FAM174A: variants seen among roughly 807,000 people sequenced by gnomAD.
FAM174A encodes the protein membrane protein FAM174A.
A neutral mutation model predicts 14.3 loss-of-function variants in FAM174A; 14 were observed. That is an observed-to-expected ratio of 0.98 (90% CI 0.65 to 1.53). The LOEUF (loss-of-function observed/expected upper bound fraction) is 1.53, where lower values mean the gene tolerates loss of function less well. Among genes scored for constraint, FAM174A ranks in the 40% most tolerant of loss-of-function variants. FAM174A has a pLI of 0.00. For synonymous variants in FAM174A, 108 were observed against 111.4 expected (o/e 0.97, Z 0.19); for missense variants, 241 against 249.6 (o/e 0.97, Z 0.23).
chr5:100,549,235 T>C (rs1052289766), intron 1 of FAM174A, among the ~76,000 whole-genome samples: 2 of 152,066 alleles, frequency 1.3e-5, no homozygotes, highest in African/African-American at 4.8e-5. Context: ...TAGATAGAAC[T>C]TTAAGGTTGA....
intron 1 of FAM174A, among the ~76,000 whole-genome samples, chr5:100,548,174 A>G (rs1746197903): frequency 6.6e-6 from 1 of 152,062 alleles, no homozygotes; most frequent in Non-Finnish European, 1.5e-5. Context: ...GGAAAATTAT[A>G]TTTTCATGAT....
chr5:100,563,934 T>C (rs946797810), intron 2 of FAM174A, among the ~76,000 whole-genome samples: 1 of 151,896 alleles, frequency 6.6e-6, no homozygotes, highest in Admixed American at 6.6e-5. Context: ...CATGCTGAAA[T>C]TGAAGCCTGG....
At chr5:100,564,527 T>C (rs1246942978) in intron 2 of FAM174A, among the ~76,000 whole-genome samples, 1 of 151,642 alleles carries the variant, frequency 6.6e-6, no homozygotes, top group East Asian at 1.9e-4. Flanking sequence ...ACGAGGGAAA[T>C]AATTAAGATT....
chr5:100,581,526 G>A (rs538358132), intron 2 of FAM174A: 22 of 252,958 alleles, frequency 8.7e-5, no homozygotes, highest in Middle Eastern at 4.3e-3. Flanking sequence ...GCCAAGGTGG[G>A]CGGATCACTT....
chr5:100,546,892 T>C (rs1458540020), intron 1 of FAM174A, among the ~76,000 whole-genome samples: 1 of 152,182 alleles, frequency 6.6e-6, no homozygotes, highest in Non-Finnish European at 1.5e-5. Context: ...TGGCTTCTCT[T>C]GAGTTTTTGT....
chr5:100,562,754 G>C (rs1286643015), intron 2 of FAM174A, among the ~76,000 whole-genome samples: 1 of 151,662 alleles, frequency 6.6e-6, no homozygotes, highest in Non-Finnish European at 1.5e-5. Flanking sequence ...AATTGTTTAT[G>C]GTCTGATCAT....
At chr5:100,565,532 CTGTT>C (rs1357194104) in intron 2 of FAM174A, among the ~76,000 whole-genome samples, 2 of 151,816 alleles carry the variant, frequency 1.3e-5, no homozygotes, top group Non-Finnish European at 2.9e-5. Flanking sequence ...CCCCTGTACT[CTGTT>C]GGTGGGAATG....
chr5:100,576,077 C>A (rs982842937), intron 2 of FAM174A, among the ~76,000 whole-genome samples: 2 of 152,136 alleles, frequency 1.3e-5, no homozygotes, highest in African/African-American at 4.8e-5. Flanking sequence ...TTTTTGTAGT[C>A]AGCTCTTTCT....
intron 1 of FAM174A, among the ~76,000 whole-genome samples, chr5:100,539,011 G>A: frequency 6.6e-6 from 1 of 151,964 alleles, no homozygotes. Context: ...CATGTCGTTG[G>A]TTTTTCGTTT....
intron 2 of FAM174A, among the ~76,000 whole-genome samples, chr5:100,572,326 G>A (rs1420300273): frequency 7.1e-6 from 1 of 141,764 alleles, no homozygotes; most frequent in Non-Finnish European, 1.5e-5. Flanking sequence ...ATGTATACAT[G>A]TGCCATGCTG....
At chr5:100,581,213 A>T in intron 2 of FAM174A, 1 of 188,154 alleles carries the variant, frequency 5.3e-6, no homozygotes, top group Non-Finnish European at 9.9e-6. Flanking sequence ...TACAGGCGTG[A>T]GCCACTGCAC....
chr5:100,575,472 A>G (rs996583320), intron 2 of FAM174A, among the ~76,000 whole-genome samples: 12 of 152,074 alleles, frequency 7.9e-5, no homozygotes, highest in African/African-American at 2.2e-4. Flanking sequence ...TCATTGTTCA[A>G]TTCCCACCTA....
intron 1 of FAM174A, among the ~76,000 whole-genome samples, chr5:100,536,513 GAAGAA>G (rs1745944294): frequency 6.6e-6 from 1 of 152,106 alleles, no homozygotes; most frequent in African/African-American, 2.4e-5. Flanking sequence ...AAATTCAGGA[GAAGAA>G]AAGTTCTTCC....
chr5:100,551,840 C>T (rs2112373977), intron 1 of FAM174A, among the ~76,000 whole-genome samples: 1 of 152,224 alleles, frequency 6.6e-6, no homozygotes, highest in East Asian at 1.9e-4. Context: ...GCGTGTCTGT[C>T]TCCAAAATTT....
intron 2 of FAM174A, among the ~76,000 whole-genome samples, chr5:100,567,120 G>T (rs762040750): frequency 6.6e-5 from 10 of 151,766 alleles, no homozygotes; most frequent in Non-Finnish European, 1.3e-4. Flanking sequence ...ACAAGAATTG[G>T]TTATAATAAT....
chr5:100,572,866 C>T (rs972323824), intron 2 of FAM174A, among the ~76,000 whole-genome samples: 6 of 152,158 alleles, frequency 3.9e-5, no homozygotes, highest in Non-Finnish European at 5.9e-5. Flanking sequence ...ACAGTCCCAC[C>T]AACAGTGTAA....
In FAM174A at chr5:100,584,457, G is replaced by A. The variant is rs542568850; in HGVS notation, c.570-1724G>A. On this transcript the variant is annotated intron_variant, in intron 2 of 2. Coordinates refer to ENST00000312637, the MANE Select transcript of FAM174A (RefSeq NM_198507.3). The stretch of plus-strand genomic sequence containing the variant: ...GGGGACTCTGGTCTGTTGCCTCTTG[G>A]TCAACAGAAGCTGCTTCTCCTTTTA... Among the ~76,000 whole-genome samples the A allele has an allele frequency of 2.0e-5, 3 of 152,096 alleles. No individual in the cohort carries two copies. The South Asian group carries it at 6.2e-4, about 32-fold the overall frequency.
intron 2 of FAM174A, among the ~76,000 whole-genome samples, chr5:100,577,133 A>G (rs2112401868): frequency 6.6e-6 from 1 of 152,290 alleles, no homozygotes; most frequent in South Asian, 2.1e-4. Flanking sequence ...TGATTTGATT[A>G]TTACACATTG....
intron 2 of FAM174A, among the ~76,000 whole-genome samples, chr5:100,565,327 T>G (rs944307060): frequency 1.3e-5 from 2 of 151,810 alleles, no homozygotes; most frequent in Non-Finnish European, 2.9e-5. Flanking sequence ...TGAGGTTGCA[T>G]CAAACTAAAA....
Sources: gnomAD v4.1 joint callset for allele counts (sites outside exome capture counted in the v4.1 genomes callset) on GRCh38, gnomAD v4.1.1 for gene constraint, MANE v1.5 for transcripts, NCBI Gene and HGNC (gene_info 2026-07-23, HGNC 2026-07-21) for gene names.